SRBD1: variants seen among roughly 807,000 people sequenced by gnomAD.
The protein encoded by SRBD1 is S1 RNA-binding domain-containing protein 1.
Under a neutral mutation model 115.3 loss-of-function variants are expected in SRBD1, and 88 were observed. The ratio of observed to expected loss-of-function variants is 0.76; its 90% CI spans 0.64 to 0.91. The LOEUF (loss-of-function observed/expected upper bound fraction) is 0.91. Ranked by LOEUF, SRBD1 falls within the 40% of genes least tolerant of loss-of-function variation. The pLI, the probability that SRBD1 is intolerant of heterozygous loss-of-function variation, is 0.00. For missense variants in SRBD1, 1,385 were observed against 1,177.4 expected (o/e 1.18, Z -2.58); for synonymous variants, 509 against 407.7 (o/e 1.25, Z -2.99).
intron 14 of SRBD1, among the ~76,000 whole-genome samples, chr2:45,491,977 A>G (rs1001517545): frequency 2.6e-5 from 4 of 152,000 alleles, no homozygotes; most frequent in African/African-American, 9.7e-5. Context: ...GCCCACCATC[A>G]TGCCCAGCTA....
intron 16 of SRBD1, among the ~76,000 whole-genome samples, chr2:45,426,028 G>A (rs1668143709): frequency 6.6e-6 from 1 of 152,114 alleles, no homozygotes; most frequent in Non-Finnish European, 1.5e-5. Flanking sequence ...AAGGGGGCTG[G>A]AGCCAGGGAG....
Position 45,393,072 on chromosome 2 carries a change from T to G in SRBD1, c.2571A>C (p.Gln857His), listed in dbSNP as rs776953570. The G allele has an allele frequency of 1.9e-6, 3 of 1,613,934 alleles. No individual in the cohort carries two copies. The highest frequency in any genetic ancestry group is 3.3e-5 in the Admixed American group (2 of 60,002). Reference sequence around the variant, plus strand: ...CCTTTTCAAGGAATGAATTTATTTTTTGTTGCATTTCAGGCTTTCCAACCT... The same window carrying G: ...CCTTTTCAAGGAATGAATTTATTTTGTGTTGCATTTCAGGCTTTCCAACCT... ...LYEVGKPEMQ[Q>H]KINSFLEKEG... Residue 857 changes from glutamine (Q) to histidine (H), a missense_variant, in exon 20 of 21, where the codon CAA becomes CAC. Coordinates refer to ENST00000263736, the MANE Select transcript of SRBD1 (RefSeq NM_018079.5).
Position 45,600,782 on chromosome 2 carries a change from A to G in SRBD1, c.262-947T>C, listed in dbSNP as rs138854877. 2.3e-3 allele frequency among the ~76,000 whole-genome samples: 346 copies of G among 152,342 alleles called. 2 individuals are homozygous for G. The highest frequency in any genetic ancestry group is 8.2e-3 in the African/African-American group (339 of 41,576). The stretch of plus-strand genomic sequence containing the variant: ...AGCTGGTCTGTTCTCCGTTACCTAA[A>G]TGATGCAGATGGCACAAACATGAAC... On this transcript the variant is annotated intron_variant, in intron 3 of 20. Coordinates refer to ENST00000263736, the MANE Select transcript of SRBD1 (RefSeq NM_018079.5).
At position 45,445,550 on chromosome 2, in the gene SRBD1, TAAAAA is replaced by T. The variant is rs59451865; in HGVS notation, c.2050-25661_2050-25657del. On this transcript the variant is annotated intron_variant, in intron 16 of 20. Transcript: ENST00000263736. ...CACAGAAGCAATATCTTCCCAGAGG[TAAAAA>T]AAAAAAAAAAAAAAAAAAAAAAAAG... Among the ~76,000 whole-genome samples, 13 of 37,044 alleles carry T rather than the reference TAAAAA, an allele frequency of 3.5e-4. No individual in the cohort carries two copies. In the East Asian group the frequency reaches 4.0e-3, roughly 11 times the overall value. The allele number at this position is 37,044 out of a possible 152,430, so 24.3% of individuals were successfully genotyped here.
chr2:45,606,075 T>C (rs565911603), intron 1 of SRBD1, among the ~76,000 whole-genome samples: 1 of 152,122 alleles, frequency 6.6e-6, no homozygotes, highest in East Asian at 1.9e-4. Context: ...TCTGTGTTAT[T>C]TTATGGTAAT....
chr2:45,419,485 G>A (rs556179169), intron 17 of SRBD1, among the ~76,000 whole-genome samples: 6 of 152,292 alleles, frequency 3.9e-5, no homozygotes, highest in African/African-American at 7.2e-5. Context: ...CTACTCTCAC[G>A]TGGTGGGAAA....
chr2:45,394,100 T>A (rs1304713053), intron 19 of SRBD1, among the ~76,000 whole-genome samples: 1 of 152,164 alleles, frequency 6.6e-6, no homozygotes, highest in Non-Finnish European at 1.5e-5. Flanking sequence ...AGGTAAAACT[T>A]CCATTATACT....
Position 45,389,097 on chromosome 2 carries a change from G to A in SRBD1, c.*213C>T, listed in dbSNP as rs577557587. On this transcript the variant is annotated 3_prime_UTR_variant, in exon 21 of 21. Transcript: ENST00000263736. ...TTACTACATAAAGCCATATAAGAAT[G>A]TGTATTAGTTGTTTCCTTTAAGGGA... 52 of 571,898 alleles carry A rather than the reference G, an allele frequency of 9.1e-5. No individual in the cohort carries two copies. The South Asian group carries it at 1.5e-3, about 16-fold the overall frequency. 35.4% of individuals were successfully genotyped at this position (571,898 alleles called of 1,614,324 possible). A position where few individuals can be genotyped will look rare whatever the true frequency, so the allele number is the denominator to read the frequency against.
intron 18 of SRBD1, among the ~76,000 whole-genome samples, chr2:45,416,614 C>T (rs1275813224): frequency 6.6e-6 from 1 of 152,178 alleles, no homozygotes; most frequent in African/African-American, 2.4e-5. Context: ...AGCCTGATCC[C>T]TTGTGTATAC....
chr2:45,467,620 T>C (rs2103792683), intron 16 of SRBD1, among the ~76,000 whole-genome samples: 1 of 152,276 alleles, frequency 6.6e-6, no homozygotes, highest in Non-Finnish European at 1.5e-5. Context: ...CCTGCATTTA[T>C]GAGATAAGAT....
intron 14 of SRBD1, among the ~76,000 whole-genome samples, chr2:45,537,627 G>C (rs544313945): frequency 5.3e-5 from 8 of 152,274 alleles, no homozygotes; most frequent in African/African-American, 1.4e-4. Context: ...GTGTGTTTTG[G>C]GGGGAGGGAC....
At chr2:45,405,226 T>A (rs1054258042) in intron 19 of SRBD1, among the ~76,000 whole-genome samples, 1 of 152,178 alleles carries the variant, frequency 6.6e-6, no homozygotes, top group Non-Finnish European at 1.5e-5. Context: ...AATATGGCAA[T>A]CACTCAAAAG....
chr2:45,538,809 A>T (rs887089038), intron 14 of SRBD1, among the ~76,000 whole-genome samples: 10 of 152,230 alleles, frequency 6.6e-5, no homozygotes, highest in Non-Finnish European at 1.3e-4. Flanking sequence ...GAAAATATAT[A>T]AAAACATTAA....
chr2:45,465,437 G>C (rs910374412), intron 16 of SRBD1, among the ~76,000 whole-genome samples: 4 of 151,856 alleles, frequency 2.6e-5, no homozygotes, highest in Admixed American at 1.3e-4. Context: ...TGCACACACA[G>C]ACACACGAAT....
At chr2:45,454,936 C>T (rs1242790173) in intron 16 of SRBD1, among the ~76,000 whole-genome samples, 4 of 151,566 alleles carry the variant, frequency 2.6e-5, no homozygotes, top group African/African-American at 9.7e-5. Flanking sequence ...TTCTTGAATC[C>T]ATAATTTTTA....
At chr2:45,558,128 T>A (rs1258248045) in intron 10 of SRBD1, among the ~76,000 whole-genome samples, 1 of 152,062 alleles carries the variant, frequency 6.6e-6, no homozygotes, top group Non-Finnish European at 1.5e-5. Context: ...AGAATAAAAA[T>A]TAACTTATCA....
chr2:45,422,479 G>A (rs549877913), intron 16 of SRBD1, among the ~76,000 whole-genome samples: 15 of 152,086 alleles, frequency 9.9e-5, no homozygotes, highest in Non-Finnish European at 1.9e-4. Context: ...ATTTGCCACC[G>A]GCATAAAAAA....
chr2:45,488,842 A>T (rs777172332), intron 14 of SRBD1, among the ~76,000 whole-genome samples: 1 of 152,142 alleles, frequency 6.6e-6, no homozygotes, highest in Non-Finnish European at 1.5e-5. Context: ...ACCTGGTTAT[A>T]ATTAACAACC....
At chr2:45,419,936 A>T in intron 16 of SRBD1, 42 bp from the exon 17 acceptor site, 1 of 1,549,740 alleles carries the variant, frequency 6.5e-7, no homozygotes, top group Non-Finnish European at 8.9e-7. Context: ...AAGGAGATGT[A>T]GTTCTTGGAC....
Sources: gnomAD v4.1 joint callset for allele counts (sites outside exome capture counted in the v4.1 genomes callset) on GRCh38, gnomAD v4.1.1 for gene constraint, MANE v1.5 for transcripts, NCBI Gene and HGNC (gene_info 2026-07-23, HGNC 2026-07-21) for gene names.